The following DNAH17 variants were observed in gnomAD, a reference collection of about 807,000 sequenced individuals.
The protein encoded by DNAH17 is dynein axonemal heavy chain 17, also known as axonemal beta dynein heavy chain 17.
Under a neutral mutation model 485.6 loss-of-function variants are expected in DNAH17, and 376 were observed. The ratio of observed to expected loss-of-function variants is 0.77; its 90% confidence interval spans 0.71 to 0.84. The LOEUF (loss-of-function observed/expected upper bound fraction) is 0.84. Ranked by LOEUF, DNAH17 falls within the 40% of genes least tolerant of loss-of-function variation. The probability of loss-of-function intolerance (pLI) is 0.00; values close to 1 mark genes in which losing one functional copy is unlikely to be tolerated. For missense variants in DNAH17, 6,370 were observed against 5,839.3 expected, an observed-to-expected ratio of 1.09 and a Z score of -2.96; for synonymous variants, 3,031 against 2,405.9, an observed-to-expected ratio of 1.26 and a Z score of -7.60.
chr17:78,499,059 A>C lies in DNAH17; in HGVS notation c.5694T>G (p.Phe1898Leu). 1 of 1,610,416 alleles carries C rather than the reference A, an allele frequency of 6.2e-7. No homozygotes were observed. Among genetic ancestry groups the C allele is most frequent in the Non-Finnish European group, 8.5e-7 (1 of 1,178,332 alleles). ...CCACTGAGATGCGATTAAACTCGTC[A>C]AAGCAGCCCCAGGCTCCCGTCTGGG... ...GLAQTGAWGCFDEFNRISVEV... is the reference protein window; with the variant it reads ...GLAQTGAWGCLDEFNRISVEV... Residue 1898 changes from phenylalanine to leucine, a missense_variant, in exon 37 of 81, where the codon TTT (phenylalanine) becomes TTG (leucine). Coordinates refer to ENST00000389840, the MANE Select transcript of DNAH17 (RefSeq NM_173628.4).
Position 78,485,834 on chromosome 17 carries a change from C to A in DNAH17, c.7276-77G>T, listed in dbSNP as rs953660085. 3.2e-6 allele frequency: 5 copies of A among 1,580,160 alleles called. No individual in the cohort carries two copies. The African/African-American group carries it at 6.7e-5, about 21-fold the overall frequency. ...CTCTCGTGGGTGTGCAGGCCATGTT[C>A]TACCGAACAGGTCCTAATGTTGAAA... On this transcript the variant is annotated intron_variant, in intron 46 of 80. Transcript: ENST00000389840.
rs1248183979 is a variant in DNAH17, at chr17:78,569,146, G to A, written c.1284+20C>T. 48 of 1,565,926 alleles carry A rather than the reference G, an allele frequency of 3.1e-5. No individual in the cohort carries two copies. The highest frequency in any genetic ancestry group is 3.8e-5 in the Non-Finnish European group (44 of 1,150,466). On this transcript the variant is annotated intron_variant, in intron 9 of 80. Coordinates refer to ENST00000389840, the MANE Select transcript of DNAH17 (RefSeq NM_173628.4). The stretch of plus-strand genomic sequence containing the variant: ...CAGTCTGGGAAGTGGAGGTCAAGAT[G>A]CACCGAGTTCTGTTTTTACCTCAAT...
intron 56 of DNAH17, among the ~76,000 whole-genome samples, chr17:78,466,245 G>C (rs922409793): frequency 6.6e-6 from 1 of 152,094 alleles, no homozygotes; most frequent in African/African-American, 2.4e-5. Context: ...TGCTCGTTAA[G>C]AGTCATCACC....
chr17:78,558,958 G>A (rs557749971), intron 13 of DNAH17, among the ~76,000 whole-genome samples: 2 of 152,308 alleles, frequency 1.3e-5, no homozygotes, highest in African/African-American at 4.8e-5. Context: ...GGCACACAGT[G>A]TCCTCCTGGC....
intron 54 of DNAH17, among the ~76,000 whole-genome samples, chr17:78,472,944 G>C (rs1052834999): frequency 6.6e-6 from 1 of 152,134 alleles, no homozygotes; most frequent in African/African-American, 2.4e-5. Flanking sequence ...ATGTAGTCTC[G>C]TTTTCTTGGG....
Position 78,501,763 on chromosome 17 carries a change from C to A in DNAH17, c.5301G>T (p.Val1767=). Residue 1767 remains valine, a synonymous_variant, in exon 34 of 81, where the codon GTG becomes GTT. Transcript: ENST00000389840. The part of the protein sequence containing the change: ...CTIDVHARDV[V]AKMIVAKVES... ...ATGCCTTGGCCACGATCATTTTGGCCACCACGTCCCGTGCGTGCACATCGA... is the reference window on the plus strand; with the variant it reads ...ATGCCTTGGCCACGATCATTTTGGCAACCACGTCCCGTGCGTGCACATCGA... 1.2e-6 allele frequency: 2 copies of A among 1,613,578 alleles called. No homozygotes were observed. Among genetic ancestry groups the A allele is most frequent in the Non-Finnish European group, 1.7e-6 (2 of 1,179,872 alleles).
chr17:78,431,241 A>G (rs958945220), intron 75 of DNAH17, among the ~76,000 whole-genome samples: 6 of 152,046 alleles, frequency 3.9e-5, no homozygotes, highest in South Asian at 2.1e-4. Context: ...GCGACTTACA[A>G]CCTTCTCTGT....
At chr17:78,436,844 C>CCAAACAAACAAA (rs56360405) in intron 74 of DNAH17, among the ~76,000 whole-genome samples, 2 of 150,272 alleles carry the variant, frequency 1.3e-5, no homozygotes, top group African/African-American at 4.9e-5. Flanking sequence ...GACTCCATCT[C>CCAAACAAACAAA]CAAACAAACA....
chr17:78,494,010 C>T, intron 41 of DNAH17, 26 bp downstream of exon 41: 1 of 1,603,620 alleles, frequency 6.2e-7, no homozygotes, highest in Non-Finnish European at 8.5e-7. Context: ...CGGATCCCTG[C>T]AAGGTCCCTG....
At chr17:78,458,029 C>A (rs2087895663) in intron 62 of DNAH17, among the ~76,000 whole-genome samples, 1 of 152,108 alleles carries the variant, frequency 6.6e-6, no homozygotes, top group African/African-American at 2.4e-5. Flanking sequence ...GTCTCGAACT[C>A]CTGACCTCCA....
chr17:78,576,402 G>A (rs1235645814), intron 1 of DNAH17, among the ~76,000 whole-genome samples: 2 of 152,146 alleles, frequency 1.3e-5, no homozygotes, highest in African/African-American at 2.4e-5. Flanking sequence ...GCCAGCAAAT[G>A]GCAGAAACAT....
rs748536546 is a variant in DNAH17 at position 78,507,787 on chromosome 17, T to C, written c.4255A>G (p.Ser1419Gly). The C allele has an allele frequency of 1.3e-6, 2 of 1,573,608 alleles. No individual in the cohort carries two copies. Among genetic ancestry groups the C allele is most frequent in the East Asian group, 2.3e-5 (1 of 43,714 alleles). ...GMEKVLKALD[S>G]TWSMMEFQHE... Reference sequence around the variant, plus strand: ...TGGAATTCCATCATGCTCCAGGTACTGTCCAGGGCTTTCAGCACCTTTTGG... The same window carrying C: ...TGGAATTCCATCATGCTCCAGGTACCGTCCAGGGCTTTCAGCACCTTTTGG... The change falls in exon 28 of 81, where the codon AGT (serine) becomes GGT (glycine). Residue 1419 changes from serine to glycine, a missense_variant. Physicochemically the swap from Ser to Gly is moderately conservative, Grantham distance 56. Transcript: ENST00000389840.
chr17:78,454,660 TCAG>T lies in DNAH17; in HGVS notation c.10213_10215del (p.Leu3405del). On this transcript the variant is annotated inframe_deletion, in exon 64 of 81. Coordinates refer to ENST00000389840, the MANE Select transcript of DNAH17 (RefSeq NM_173628.4). ...CAGGTGGCCACGTCCGCGTCATCTG[TCAG>T]CAGGCTCAAGGGATCCAGGCCATTC... is the stretch of plus-strand genomic sequence containing the variant. 1 of 1,613,062 alleles carries T rather than the reference TCAG, an allele frequency of 6.2e-7. No homozygotes were observed. The highest frequency in any genetic ancestry group is 8.5e-7 in the Non-Finnish European group (1 of 1,179,880).
intron 14 of DNAH17, among the ~76,000 whole-genome samples, chr17:78,553,098 C>T (rs118008359): frequency 1.3e-5 from 2 of 152,010 alleles, no homozygotes; most frequent in Admixed American, 1.3e-4. Context: ...GCACCTCCCC[C>T]ACTTCTCTCT....
rs1161294557 is a variant in DNAH17 at position 78,569,386 on chromosome 17, G to C, written c.1186C>G (p.Leu396Val). 6.2e-7 allele frequency: 1 copy of C among 1,613,112 alleles called. No individual in the cohort carries two copies. Among genetic ancestry groups the C allele is most frequent in the East Asian group, 2.2e-5 (1 of 44,866 alleles). The change falls in exon 8 of 81, where the codon CTT becomes GTT. Residue 396 changes from leucine (L) to valine (V), a missense_variant. By Grantham distance (32) the Leu-to-Val change is conservative. Transcript: ENST00000389840. ...TYDFCCVNMK[L>V]FFKDKEPVPW... Reference sequence around the variant, plus strand: ...CGAGGAAGGGGTACCTTAAAGAAAAGCTTCATGTTCACGCAGCAGAAGTCG... The same window carrying C: ...CGAGGAAGGGGTACCTTAAAGAAAACCTTCATGTTCACGCAGCAGAAGTCG...
chr17:78,505,148 TAG>T, intron 31 of DNAH17, 143 bp downstream of exon 31: 1 of 1,062,852 alleles, frequency 9.4e-7, no homozygotes. Context: ...AAGTGTTTTC[TAG>T]AGAGGGAGAG....
Position 78,558,099 on chromosome 17 carries a change from C to G in DNAH17, c.2178+9G>C, listed in dbSNP as rs747414894. ...CTGCATCAGGAATAGTACCGACTCA[C>G]CAACTCACCTCATTATACCAGCCAA... On this transcript the variant is annotated intron_variant, in intron 14 of 80. Coordinates refer to ENST00000389840, the MANE Select transcript of DNAH17 (RefSeq NM_173628.4). 12 of 1,610,952 alleles carry G rather than the reference C, an allele frequency of 7.4e-6. No individual in the cohort carries two copies. In the South Asian group the frequency reaches 1.2e-4, roughly 16 times the overall value.
chr17:78,464,991 G>T (rs1598497098), intron 56 of DNAH17, among the ~76,000 whole-genome samples: 2 of 152,352 alleles, frequency 1.3e-5, no homozygotes, highest in Middle Eastern at 3.4e-3. Flanking sequence ...CTCATGCTGA[G>T]CCGAGGCTGG....
chr17:78,475,355 G>A lies in DNAH17; in HGVS notation c.8434C>T (p.Arg2812Cys), dbSNP rs745603549. The A allele has an allele frequency of 1.4e-5, 22 of 1,613,884 alleles. No homozygotes were observed. In the Admixed American group the frequency reaches 1.5e-4, roughly 11 times the overall value. The change falls in exon 54 of 81, where the codon CGC (arginine) becomes TGC (cysteine). Residue 2812 changes from arginine (R) to cysteine (C), a missense_variant. Arg to Cys is a radical substitution (Grantham distance 180). Transcript: ENST00000389840. Reference protein sequence around the residue: ...VGGSGKQSLSRLAAYISGLDV... With the variant: ...VGGSGKQSLSCLAAYISGLDV... ...AGCCCGCTGATGTACGCTGCCAGGCGGGAGAGGCTCTGTTTGCCACTGCCG... is the reference window on the plus strand; with the variant it reads ...AGCCCGCTGATGTACGCTGCCAGGCAGGAGAGGCTCTGTTTGCCACTGCCG...
Sources: gnomAD v4.1 joint callset for allele counts (sites outside exome capture counted in the v4.1 genomes callset) on GRCh38, gnomAD v4.1.1 for gene constraint, MANE v1.5 for transcripts, NCBI Gene and HGNC (gene_info 2026-07-23, HGNC 2026-07-21) for gene names.